TFDP2: variants seen among roughly 807,000 people sequenced by gnomAD.
The protein encoded by TFDP2 is transcription factor Dp-2, also known as transcription factor Dp-2 (E2F dimerization partner 2).
TFDP2 carries 17 observed loss-of-function variants against 59.3 expected under a neutral mutation model. The observed-to-expected ratio is 0.29, with a 90% CI of 0.20 to 0.43. The LOEUF (loss-of-function observed/expected upper bound fraction) is 0.43, where lower values mean the gene tolerates loss of function less well. Among genes scored for constraint, TFDP2 ranks in the 20% least tolerant of loss-of-function variants. The probability of loss-of-function intolerance (pLI) is 1.00; values close to 1 mark genes in which losing one functional copy is unlikely to be tolerated. For synonymous variants in TFDP2, 180 were observed against 194.7 expected, an observed-to-expected ratio of 0.92 and a Z score of 0.63; for missense variants, 391 against 528.8, an observed-to-expected ratio of 0.74 and a Z score of 2.56.
chr3:141,994,849 C>T, intron 5 of TFDP2, 171 bp downstream of exon 5: 1 of 508,624 alleles, frequency 2.0e-6, no homozygotes, highest in South Asian at 6.6e-5. Context: ...AATAGTTATT[C>T]CAGAGATTAT....
intron 6 of TFDP2, among the ~76,000 whole-genome samples, chr3:141,984,724 T>A (rs1162856976): frequency 6.6e-6 from 1 of 152,196 alleles, no homozygotes; most frequent in Non-Finnish European, 1.5e-5. Flanking sequence ...TTGAACTGAC[T>A]TATGTTTTGT....
At chr3:142,046,361 C>T (rs1947346934) in intron 3 of TFDP2, among the ~76,000 whole-genome samples, 1 of 152,164 alleles carries the variant, frequency 6.6e-6, no homozygotes, top group African/African-American at 2.4e-5. Flanking sequence ...GTGTGTCTGT[C>T]TAAAGTAGGG....
chr3:142,127,079 T>A (rs1197062779), intron 1 of TFDP2, among the ~76,000 whole-genome samples: 2 of 149,352 alleles, frequency 1.3e-5, no homozygotes, highest in East Asian at 3.9e-4. Context: ...TGTAATTAGA[T>A]GTATCTACCT....
chr3:142,139,363 T>G (rs1319688551), intron 1 of TFDP2, among the ~76,000 whole-genome samples: 1 of 152,234 alleles, frequency 6.6e-6, no homozygotes, highest in African/African-American at 2.4e-5. Context: ...TTAGCCCATT[T>G]ACATTTAAGG....
Position 142,039,076 on chromosome 3 carries a change from C to T in TFDP2, c.83-33532G>A, listed in dbSNP as rs144544812. Reference sequence around the variant, plus strand: ...TTATTCTGAGTTCCCATATTCTCTACAACCTTGCCAAATGCTAGTATTAAC... The same window carrying T: ...TTATTCTGAGTTCCCATATTCTCTATAACCTTGCCAAATGCTAGTATTAAC... On this transcript the variant is annotated intron_variant, in intron 3 of 12. Transcript: ENST00000489671. Among the ~76,000 whole-genome samples the T allele has an allele frequency of 4.0e-3, 611 of 152,288 alleles. 4 individuals are homozygous for T. Among genetic ancestry groups the T allele is most frequent in the Non-Finnish European group, 3.7e-3 (252 of 68,034 alleles).
chr3:142,116,806 T>C (rs2061866609), intron 1 of TFDP2, among the ~76,000 whole-genome samples: 1 of 152,086 alleles, frequency 6.6e-6, no homozygotes, highest in Non-Finnish European at 1.5e-5. Flanking sequence ...AAGTTACGTT[T>C]TTCTTTTTAC....
At chr3:142,115,361 C>T (rs1002702252) in intron 1 of TFDP2, among the ~76,000 whole-genome samples, 2 of 147,850 alleles carry the variant, frequency 1.4e-5, no homozygotes, top group African/African-American at 2.5e-5. Flanking sequence ...CTCTCTCGCT[C>T]AGGCTGGAGT....
chr3:142,127,742 A>C (rs971701429), intron 1 of TFDP2, among the ~76,000 whole-genome samples: 8 of 152,096 alleles, frequency 5.3e-5, no homozygotes, highest in African/African-American at 1.9e-4. Flanking sequence ...CAGCCTCCCA[A>C]ACCATTTATA....
At chr3:141,966,121 A>G (rs1041025876) in intron 9 of TFDP2, among the ~76,000 whole-genome samples, 3 of 151,970 alleles carry the variant, frequency 2.0e-5, no homozygotes, top group Admixed American at 1.3e-4. Context: ...AATAGTATCA[A>G]TGGTTTTTCA....
intron 7 of TFDP2, 32 bp downstream of exon 7, chr3:141,978,488 C>A (rs762900797): frequency 6.3e-7 from 1 of 1,590,316 alleles, no homozygotes; most frequent in East Asian, 2.3e-5. Flanking sequence ...CATCATCCAT[C>A]AAAATCAATG....
intron 3 of TFDP2, among the ~76,000 whole-genome samples, chr3:142,033,976 A>G (rs1946554923): frequency 6.6e-6 from 1 of 151,986 alleles, no homozygotes; most frequent in Non-Finnish European, 1.5e-5. Flanking sequence ...AAATGCAGAG[A>G]TTGTTCCCTT....
At chr3:142,055,776 T>C (rs567811935) in intron 3 of TFDP2, among the ~76,000 whole-genome samples, 2 of 152,214 alleles carry the variant, frequency 1.3e-5, no homozygotes, top group African/African-American at 4.8e-5. Flanking sequence ...ATATATAAAG[T>C]GATAACACAA....
chr3:142,005,447 G>C lies in TFDP2; in HGVS notation c.180C>G (p.Pro60=). 1.9e-6 allele frequency: 3 copies of C among 1,598,866 alleles called. No individual in the cohort carries two copies. Among genetic ancestry groups the C allele is most frequent in the Non-Finnish European group, 2.6e-6 (3 of 1,170,146 alleles). Residue 60 remains proline (P), a synonymous_variant, in exon 4 of 13, where the codon CCC becomes CCG. Transcript: ENST00000489671. ...GATTTGATAATTTTCTTACCATTTGGGGTCCAACATTCACATTTATTGGTC... is the reference window on the plus strand; with the variant it reads ...GATTTGATAATTTTCTTACCATTTGCGGTCCAACATTCACATTTATTGGTC... ...TLGPINVNVG[P]QMIISTPQRL... is the part of the protein sequence containing the mutation.
intron 1 of TFDP2, among the ~76,000 whole-genome samples, chr3:142,102,803 C>A (rs77219024): frequency 0.028 from 4,249 of 152,192 alleles, 82 homozygotes; most frequent in Middle Eastern, 0.062. Context: ...GCCCAATATG[C>A]AAAATCTAAA....
intron 3 of TFDP2, among the ~76,000 whole-genome samples, chr3:142,085,962 C>A (rs983820132): frequency 1.3e-5 from 2 of 152,176 alleles, no homozygotes; most frequent in African/African-American, 4.8e-5. Flanking sequence ...GGTGACCAAA[C>A]CTCAGTCACC....
intron 1 of TFDP2, among the ~76,000 whole-genome samples, chr3:142,143,458 A>G (rs2063036798): frequency 6.6e-6 from 1 of 152,216 alleles, no homozygotes; most frequent in African/African-American, 2.4e-5. Flanking sequence ...AACAAAGTGA[A>G]GAGACAACCC....
At chr3:142,003,654 G>A (rs1943993366) in intron 4 of TFDP2, among the ~76,000 whole-genome samples, 1 of 152,166 alleles carries the variant, frequency 6.6e-6, no homozygotes, top group Non-Finnish European at 1.5e-5. Flanking sequence ...CTGAAAAAAG[G>A]ACCTCAGAAG....
At chr3:142,098,881 T>C (rs1306954980) in intron 2 of TFDP2, among the ~76,000 whole-genome samples, 1 of 152,212 alleles carries the variant, frequency 6.6e-6, no homozygotes, top group African/African-American at 2.4e-5. Flanking sequence ...AATCTAGATG[T>C]GTTTGAAGCA....
intron 1 of TFDP2, among the ~76,000 whole-genome samples, chr3:142,143,065 A>G (rs994054024): frequency 1.3e-5 from 2 of 152,074 alleles, no homozygotes; most frequent in Non-Finnish European, 2.9e-5. Flanking sequence ...GTGAAACCCC[A>G]TCTCTACTAA....
Sources: gnomAD v4.1 joint callset for allele counts (sites outside exome capture counted in the v4.1 genomes callset) on GRCh38, gnomAD v4.1.1 for gene constraint, MANE v1.5 for transcripts, NCBI Gene and HGNC (gene_info 2026-07-23, HGNC 2026-07-21) for gene names.